Variants in EIF2S2 observed in about 807,000 individuals in gnomAD.
EIF2S2 encodes the protein eukaryotic translation initiation factor 2 subunit beta.
Under a neutral mutation model 44.0 loss-of-function variants are expected in EIF2S2, and 4 were observed. That is an observed-to-expected ratio of 0.09 (90% CI 0.04 to 0.21). The LOEUF (loss-of-function observed/expected upper bound fraction) is 0.21. Among genes scored for constraint, EIF2S2 ranks in the 10% least tolerant of loss-of-function variants. The probability of loss-of-function intolerance (pLI) is 1.00; values close to 1 mark genes in which losing one functional copy is unlikely to be tolerated. For missense variants in EIF2S2, 154 were observed against 392.0 expected (o/e 0.39, Z 5.13); for synonymous variants, 108 against 128.3 (o/e 0.84, Z 1.07).
intron 1 of EIF2S2, among the ~76,000 whole-genome samples, chr20:34,111,213 C>T (rs1158076429): frequency 1.3e-5 from 2 of 152,224 alleles, no homozygotes; most frequent in African/African-American, 4.8e-5. Flanking sequence ...ATTTACTGGC[C>T]TTTCTCGACC....
intron 3 of EIF2S2, among the ~76,000 whole-genome samples, chr20:34,103,052 C>A (rs1159300057): frequency 6.6e-6 from 1 of 152,214 alleles, no homozygotes; most frequent in Non-Finnish European, 1.5e-5. Flanking sequence ...TACCAACCAC[C>A]ACTGTGGTTC....
At chr20:34,090,140 G>A (rs1184919302) in intron 8 of EIF2S2, among the ~76,000 whole-genome samples, 1 of 152,194 alleles carries the variant, frequency 6.6e-6, no homozygotes, top group Non-Finnish European at 1.5e-5. Context: ...AAGGAAGCCT[G>A]CCAGCTTGCT....
intron 6 of EIF2S2, among the ~76,000 whole-genome samples, chr20:34,095,517 T>TCTCTCC (rs1195637045): frequency 2.0e-5 from 3 of 152,204 alleles, no homozygotes; most frequent in African/African-American, 7.2e-5. Context: ...TTTCACTATG[T>TCTCTCC]TGGCCAGCCT....
intron 8 of EIF2S2, among the ~76,000 whole-genome samples, chr20:34,090,148 G>A (rs2034146270): frequency 6.6e-6 from 1 of 152,210 alleles, no homozygotes; most frequent in Non-Finnish European, 1.5e-5. Flanking sequence ...CTGCCAGCTT[G>A]CTTATTCTCG....
rs1409802564 is a variant in EIF2S2, at chr20:34,105,466, T to G, written c.95A>C (p.Gln32Pro). Residue 32 changes from glutamine to proline, a missense_variant, in exon 2 of 9, where the codon CAA becomes CCA. By Grantham distance (76) the Gln-to-Pro change is moderately conservative. Transcript: ENST00000374980. ...PFMLDEEGDT[Q>P]TEETQPSETK... ...TTCTGAAGGCTGGGTTTCCTCTGTTTGGGTATCCCCTTCCTCATCTAACAT... is the reference window on the plus strand; with the variant it reads ...TTCTGAAGGCTGGGTTTCCTCTGTTGGGGTATCCCCTTCCTCATCTAACAT... 6.2e-7 allele frequency: 1 copy of G among 1,614,152 alleles called. No individual in the cohort carries two copies. The highest frequency in any genetic ancestry group is 2.2e-5 in the East Asian group (1 of 44,882).
At chr20:34,100,405 C>A (rs2034281922) in intron 3 of EIF2S2, among the ~76,000 whole-genome samples, 1 of 152,176 alleles carries the variant, frequency 6.6e-6, no homozygotes. Flanking sequence ...AAAGTTCCAA[C>A]CCTCTAAAAT....
At chr20:34,090,053 G>A in intron 8 of EIF2S2, 148 bp from the exon 9 acceptor site, 1 of 813,040 alleles carries the variant, frequency 1.2e-6, no homozygotes, top group Non-Finnish European at 2.0e-6. Flanking sequence ...AGCTATTCGA[G>A]GGGTAAGAAA....
At chr20:34,100,016 C>A (rs55789572) in intron 3 of EIF2S2, among the ~76,000 whole-genome samples, 3,674 of 152,074 alleles carry the variant, frequency 0.024, 52 homozygotes, top group South Asian at 0.045. Context: ...TTATTTACTT[C>A]TTATTATTAT....
At chr20:34,097,611 TGTCTTC>T (rs2034245492) in intron 4 of EIF2S2, 95 bp from the exon 5 acceptor site, 1 of 921,602 alleles carries the variant, frequency 1.1e-6, no homozygotes, top group Non-Finnish European at 1.6e-6. Flanking sequence ...CAAAGACATC[TGTCTTC>T]CCTTCCACAG....
In EIF2S2 at chr20:34,098,361, T is replaced by G. The variant is rs553470003; in HGVS notation, c.433+137A>C. ...TGCCATTATCAAGCCAAACACTGTT[T>G]CCTTTCGCTTCCATTATCAGTCAGT... On this transcript the variant is annotated intron_variant, in intron 4 of 8. Transcript: ENST00000374980. 46 of 873,670 alleles carry G rather than the reference T, an allele frequency of 5.3e-5. 1 individual carries two copies. In the African/African-American group the frequency reaches 6.5e-4, roughly 12 times the overall value. The allele number at this position is 873,670 out of a possible 1,614,324, so 54.1% of individuals were successfully genotyped here. A position where few individuals can be genotyped will look rare whatever the true frequency, so the allele number is the denominator to read the frequency against.
At chr20:34,092,865 G>C (rs2034183589) in intron 7 of EIF2S2, among the ~76,000 whole-genome samples, 1 of 152,206 alleles carries the variant, frequency 6.6e-6, no homozygotes, top group Non-Finnish European at 1.5e-5. Flanking sequence ...AGGTGATCAA[G>C]CTGCAGGGAC....
At chr20:34,102,676 T>A (rs1201422149) in intron 3 of EIF2S2, among the ~76,000 whole-genome samples, 6 of 152,208 alleles carry the variant, frequency 3.9e-5, no homozygotes, top group Admixed American at 6.5e-5. Flanking sequence ...ATTTGGTGTA[T>A]GTTTGCTGTT....
At chr20:34,095,898 C>T (rs2034222850) in intron 6 of EIF2S2, among the ~76,000 whole-genome samples, 1 of 152,162 alleles carries the variant, frequency 6.6e-6, no homozygotes, top group Admixed American at 6.5e-5. Flanking sequence ...CCTAAGGAAA[C>T]TGCCAGAAAA....
At chr20:34,103,279 G>A (rs1040413441) in intron 3 of EIF2S2, among the ~76,000 whole-genome samples, 183 bp downstream of exon 3, 1 of 152,068 alleles carries the variant, frequency 6.6e-6, no homozygotes, top group Admixed American at 6.6e-5. Context: ...TAAATTCCTT[G>A]AACCACAATC....
intron 1 of EIF2S2, among the ~76,000 whole-genome samples, chr20:34,111,208 CT>C (rs1406611725): frequency 6.6e-6 from 1 of 152,224 alleles, no homozygotes; most frequent in Non-Finnish European, 1.5e-5. Flanking sequence ...AGCACATTTA[CT>C]GGCCTTTCTC....
intron 1 of EIF2S2, 142 bp from the exon 2 acceptor site, chr20:34,105,687 A>C: frequency 2.6e-6 from 2 of 756,802 alleles, no homozygotes; most frequent in Non-Finnish European, 3.9e-6. Flanking sequence ...TTTACCAAAA[A>C]ATAAAATAAA....
At chr20:34,096,920 T>C in intron 5 of EIF2S2, 115 bp from the exon 6 acceptor site, 2 of 1,147,920 alleles carry the variant, frequency 1.7e-6, no homozygotes, top group East Asian at 2.4e-5. Context: ...AATATACACA[T>C]GCATTACTAC....
intron 3 of EIF2S2, among the ~76,000 whole-genome samples, chr20:34,099,249 A>G (rs138432744): frequency 2.6e-5 from 4 of 152,194 alleles, no homozygotes; most frequent in Non-Finnish European, 4.4e-5. Flanking sequence ...GGCACCTGTA[A>G]TCCCAGCTAC....
chr20:34,100,329 T>C (rs2034281070), intron 3 of EIF2S2, among the ~76,000 whole-genome samples: 1 of 152,148 alleles, frequency 6.6e-6, no homozygotes, highest in African/African-American at 2.4e-5. Context: ...GATTACATTA[T>C]TAACCACTGG....
Sources: gnomAD v4.1 joint callset for allele counts (sites outside exome capture counted in the v4.1 genomes callset) on GRCh38, gnomAD v4.1.1 for gene constraint, MANE v1.5 for transcripts, NCBI Gene and HGNC (gene_info 2026-07-23, HGNC 2026-07-21) for gene names.